The following BBS9 variants were observed in gnomAD, a reference collection of about 807,000 sequenced individuals.
BBS9 encodes Bardet-Biedl syndrome 9.
In BBS9, 89 loss-of-function variants were observed where a neutral mutation model predicts 117.7. The ratio of observed to expected loss-of-function variants is 0.76; its 90% CI spans 0.64 to 0.90. BBS9 has a LOEUF of 0.90. BBS9 is among the 40% of genes least tolerant of loss of function. The probability of loss-of-function intolerance (pLI) is 0.00; values close to 1 mark genes in which losing one functional copy is unlikely to be tolerated. For synonymous variants in BBS9, 379 were observed against 370.9 expected, an observed-to-expected ratio of 1.02 and a Z score of -0.25; for missense variants, 982 against 1,042.2, an observed-to-expected ratio of 0.94 and a Z score of 0.80.
At chr7:33,598,524 A>T (rs1167165115) in intron 21 of BBS9, among the ~76,000 whole-genome samples, 1 of 152,200 alleles carries the variant, frequency 6.6e-6, no homozygotes, top group Admixed American at 6.5e-5. Flanking sequence ...TAATGTATCA[A>T]TATTGGTTCA....
At chr7:33,410,190 G>A (rs902063879) in intron 19 of BBS9, among the ~76,000 whole-genome samples, 71 of 152,138 alleles carry the variant, frequency 4.7e-4, no homozygotes, top group Non-Finnish European at 3.8e-4. Flanking sequence ...AGAGAAAAAT[G>A]TGTGTTAAAG....
At chr7:33,181,025 G>C (rs367950907) in intron 5 of BBS9, among the ~76,000 whole-genome samples, 3 of 152,292 alleles carry the variant, frequency 2.0e-5, no homozygotes, top group Middle Eastern at 3.4e-3. Flanking sequence ...ACTCCTACTT[G>C]AGGTGCTGCT....
chr7:33,133,624 T>C (rs1383440372), intron 1 of BBS9, among the ~76,000 whole-genome samples: 1 of 152,252 alleles, frequency 6.6e-6, no homozygotes, highest in Non-Finnish European at 1.5e-5. Context: ...CATATATCAG[T>C]ATTTTGTTCT....
In BBS9 at chr7:33,343,457, T is replaced by TA. The variant is rs1028825151; in HGVS notation, c.1276-1116dup. Among the ~76,000 whole-genome samples the TA allele has an allele frequency of 7.2e-5, 11 of 151,906 alleles. No individual in the cohort carries two copies. The East Asian group carries it at 2.1e-3, about 29-fold the overall frequency. On this transcript the variant is annotated intron_variant, in intron 11 of 22. Transcript: ENST00000242067. Reference sequence around the variant, plus strand: ...GAATTAGTTTATGATATGCACTGGTTAAAAAAAAGTTTCCCTTCCCTTCCT... The same window carrying TA: ...GAATTAGTTTATGATATGCACTGGTTAAAAAAAAAGTTTCCCTTCCCTTCCT...
In BBS9 at chr7:33,177,536, T is replaced by A. The variant is rs1797505383; in HGVS notation, c.387T>A (p.His129Gln). 1 of 1,613,446 alleles carries A rather than the reference T, an allele frequency of 6.2e-7. No homozygotes were observed. Among genetic ancestry groups the A allele is most frequent in the Non-Finnish European group, 8.5e-7 (1 of 1,179,818 alleles). ...NQCQMKLMYE[H>Q]NLQRTACNMT... ...GTCAGATGAAATTGATGTATGAACA[T>A]AATCTTCAGAGAACAGCCTGCAATA... The change falls in exon 5 of 23, where the codon CAT becomes CAA. Residue 129 changes from histidine (H) to glutamine (Q), a missense_variant. Coordinates refer to ENST00000242067, the MANE Select transcript of BBS9 (RefSeq NM_198428.3).
chr7:33,377,060 A>G (rs534797486), intron 17 of BBS9, among the ~76,000 whole-genome samples: 19 of 151,986 alleles, frequency 1.3e-4, no homozygotes, highest in Non-Finnish European at 2.1e-4. Context: ...ATTAGATCCC[A>G]TTTGTCATAC....
At chr7:33,585,915 C>CT (rs1860808379) in intron 21 of BBS9, among the ~76,000 whole-genome samples, 1 of 151,978 alleles carries the variant, frequency 6.6e-6, no homozygotes, top group African/African-American at 2.4e-5. Context: ...GGCTCTACTC[C>CT]TAACAGGGTC....
chr7:33,204,329 C>T lies in BBS9; in HGVS notation c.442+26738C>T, dbSNP rs149371837. On this transcript the variant is annotated intron_variant, in intron 5 of 22. Transcript: ENST00000242067. Reference sequence around the variant, plus strand: ...GGTTGAGGTAGGAGAATCACTTGAACCTGGGAGGCAGAGGTTGCAGTGAGT... The same window carrying T: ...GGTTGAGGTAGGAGAATCACTTGAATCTGGGAGGCAGAGGTTGCAGTGAGT... Among the ~76,000 whole-genome samples, 2,599 of 150,098 alleles carry T rather than the reference C, an allele frequency of 0.017. 203 individuals are homozygous for T. In the East Asian group the frequency reaches 0.26, roughly 15 times the overall value.
chr7:33,161,892 T>G (rs1427533082), intron 4 of BBS9, among the ~76,000 whole-genome samples: 2 of 152,212 alleles, frequency 1.3e-5, no homozygotes, highest in South Asian at 4.1e-4. Flanking sequence ...CATTTTTTCA[T>G]GTGTCTGTTG....
chr7:33,365,478 G>C (rs1821509024), intron 16 of BBS9, among the ~76,000 whole-genome samples: 1 of 152,210 alleles, frequency 6.6e-6, no homozygotes, highest in South Asian at 2.1e-4. Context: ...CCAACTCTGT[G>C]AGTGTTCTCA....
chr7:33,320,672 C>T (rs1017092187), intron 9 of BBS9, among the ~76,000 whole-genome samples: 1 of 152,036 alleles, frequency 6.6e-6, no homozygotes, highest in Non-Finnish European at 1.5e-5. Flanking sequence ...TGAAACTGCT[C>T]TTCATAGTGG....
intron 20 of BBS9, among the ~76,000 whole-genome samples, chr7:33,512,386 G>A (rs4723291): frequency 0.55 from 83,614 of 152,034 alleles, 23,393 homozygotes; most frequent in Admixed American, 0.65. Flanking sequence ...GACACATTTG[G>A]TATTTATGCA....
intron 20 of BBS9, among the ~76,000 whole-genome samples, chr7:33,510,579 A>G (rs1365138659): frequency 6.6e-6 from 1 of 152,154 alleles, no homozygotes; most frequent in African/African-American, 2.4e-5. Context: ...TCACTAAGCA[A>G]AACAGACTTA....
chr7:33,527,033 G>T (rs1312204486), intron 20 of BBS9, among the ~76,000 whole-genome samples: 1 of 151,402 alleles, frequency 6.6e-6, no homozygotes, highest in Non-Finnish European at 1.5e-5. Flanking sequence ...TGCCCCTGTT[G>T]GGGGGTGCCT....
chr7:33,303,135 G>T (rs1396638085), intron 9 of BBS9, among the ~76,000 whole-genome samples: 4 of 152,054 alleles, frequency 2.6e-5, no homozygotes, highest in Admixed American at 1.3e-4. Flanking sequence ...CACCTTTACT[G>T]GATTTGGTAA....
At chr7:33,367,307 C>T (rs1390352280) in intron 16 of BBS9, among the ~76,000 whole-genome samples, 1 of 151,976 alleles carries the variant, frequency 6.6e-6, no homozygotes, top group African/African-American at 2.4e-5. Flanking sequence ...GTTTTTAAGT[C>T]TCTGTATGAA....
chr7:33,150,717 G>GA, intron 2 of BBS9, among the ~76,000 whole-genome samples: 1 of 152,058 alleles, frequency 6.6e-6, no homozygotes, highest in Non-Finnish European at 1.5e-5. Flanking sequence ...GTATCTTGGG[G>GA]AAAAAAAGTA....
intron 19 of BBS9, among the ~76,000 whole-genome samples, chr7:33,437,537 A>G (rs1835484697): frequency 6.6e-6 from 1 of 152,198 alleles, no homozygotes; most frequent in Admixed American, 6.5e-5. Context: ...CTACTACACA[A>G]GAAGTCATAG....
At chr7:33,153,066 GA>G (rs1467145110) in intron 3 of BBS9, among the ~76,000 whole-genome samples, 1 of 152,140 alleles carries the variant, frequency 6.6e-6, no homozygotes, top group African/African-American at 2.4e-5. Flanking sequence ...ATAGACTTAA[GA>G]TGCCTGACAT....
Sources: allele counts gnomAD v4.1 joint callset (sites outside exome capture counted in the v4.1 genomes callset), GRCh38; gene constraint gnomAD v4.1.1; transcripts MANE v1.5; gene names NCBI Gene and HGNC (gene_info 2026-07-23, HGNC 2026-07-21).